The following PRMT3 variants were observed in gnomAD, a reference collection of about 807,000 sequenced individuals.
PRMT3 encodes the protein protein arginine methyltransferase 3.
Under a neutral mutation model 71.9 loss-of-function variants are expected in PRMT3, and 62 were observed. The ratio of observed to expected loss-of-function variants is 0.86; its 90% CI spans 0.70 to 1.07. The LOEUF (loss-of-function observed/expected upper bound fraction) is 1.07, where lower values mean the gene tolerates loss of function less well. PRMT3 is among the 50% of genes least tolerant of loss of function. PRMT3 has a pLI of 0.00. For missense variants in PRMT3, 663 were observed against 643.0 expected (o/e 1.03, Z -0.34); for synonymous variants, 213 against 220.4 (o/e 0.97, Z 0.30).
At chr11:20,474,758 G>T (rs770592794) in intron 13 of PRMT3, among the ~76,000 whole-genome samples, 1 of 152,196 alleles carries the variant, frequency 6.6e-6, no homozygotes, top group South Asian at 2.1e-4. Flanking sequence ...TAGACAAAAA[G>T]TTCTCTCAGC....
chr11:20,466,338 T>C (rs1036925), intron 13 of PRMT3, among the ~76,000 whole-genome samples: 124,825 of 152,100 alleles, frequency 0.82, 53,069 homozygotes, highest in Non-Finnish European at 0.95. Flanking sequence ...CTGTTTTAAA[T>C]AGCCTAGCAC....
intron 5 of PRMT3, among the ~76,000 whole-genome samples, chr11:20,395,435 C>T (rs574637783): frequency 6.6e-5 from 10 of 152,064 alleles, no homozygotes; most frequent in Admixed American, 2.6e-4. Context: ...CCTCCGCTTC[C>T]GAGGTTCAAG....
intron 11 of PRMT3, among the ~76,000 whole-genome samples, chr11:20,457,663 T>G (rs953629423): frequency 2.6e-5 from 4 of 152,234 alleles, no homozygotes; most frequent in Non-Finnish European, 4.4e-5. Flanking sequence ...ATAAAAGTTA[T>G]GAAATGAATT....
chr11:20,407,098 T>C (rs1302963090), intron 8 of PRMT3: 2 of 152,206 alleles, frequency 1.3e-5, no homozygotes, highest in African/African-American at 4.8e-5. Flanking sequence ...CCATGTATGG[T>C]GTCACCAGTT....
intron 13 of PRMT3, among the ~76,000 whole-genome samples, chr11:20,468,049 G>A (rs75910775): frequency 0.037 from 5,565 of 152,234 alleles, 306 homozygotes; most frequent in African/African-American, 0.12. Context: ...AAAAGGATGA[G>A]TGCCTAATTG....
chr11:20,505,690 A>T (rs1262664996), intron 15 of PRMT3, among the ~76,000 whole-genome samples: 1 of 152,200 alleles, frequency 6.6e-6, no homozygotes, highest in Non-Finnish European at 1.5e-5. Context: ...GCCAAAATAG[A>T]AAAGTCAAAA....
At chr11:20,471,825 A>G (rs943529426) in intron 13 of PRMT3, among the ~76,000 whole-genome samples, 30 of 152,162 alleles carry the variant, frequency 2.0e-4, no homozygotes, top group Admixed American at 1.1e-3. Flanking sequence ...GATTCTTTCT[A>G]TCCCTTAGCA....
At chr11:20,473,546 G>C (rs1473014636) in intron 13 of PRMT3, among the ~76,000 whole-genome samples, 2 of 152,112 alleles carry the variant, frequency 1.3e-5, no homozygotes, top group Non-Finnish European at 2.9e-5. Flanking sequence ...GGTTTTGAGT[G>C]AATTTGATTG....
At chr11:20,485,078 T>G (rs1214326546) in intron 13 of PRMT3, among the ~76,000 whole-genome samples, 1 of 152,158 alleles carries the variant, frequency 6.6e-6, no homozygotes, top group African/African-American at 2.4e-5. Flanking sequence ...GCATTGGGAC[T>G]GTAAAGACTG....
At position 20,387,802 on chromosome 11, in the gene PRMT3, G is replaced by A; in HGVS notation, c.28+28G>A. 1 of 1,541,266 alleles carries A rather than the reference G, an allele frequency of 6.5e-7. No homozygotes were observed. The highest frequency in any genetic ancestry group is 8.7e-7 in the Non-Finnish European group (1 of 1,146,236). ...GGGTACCCTGGCCCCTCAGCACCCG[G>A]CTCGTCCAGCCCCAGGCCGCGCCGC... On this transcript the variant is annotated intron_variant, in intron 1 of 15. Transcript: ENST00000331079. This position sits in a 1 kb window ranked among gnomAD's most constrained non-coding sequence, Gnocchi z 4.3.
chr11:20,439,460 G>T (rs1408265647), intron 10 of PRMT3, among the ~76,000 whole-genome samples: 3 of 152,064 alleles, frequency 2.0e-5, no homozygotes, highest in African/African-American at 7.2e-5. Context: ...GCTCTCCCTG[G>T]GTTATTTTCA....
intron 9 of PRMT3, among the ~76,000 whole-genome samples, chr11:20,411,440 C>G (rs2133328544): frequency 6.6e-6 from 1 of 152,198 alleles, no homozygotes; most frequent in South Asian, 2.1e-4. Flanking sequence ...TTTATTCTCT[C>G]AATCTTGTAA....
intron 13 of PRMT3, among the ~76,000 whole-genome samples, chr11:20,491,003 C>T (rs1162728378): frequency 6.6e-6 from 1 of 152,124 alleles, no homozygotes; most frequent in Non-Finnish European, 1.5e-5. Context: ...ACCAATGACA[C>T]GTTAGATCTA....
At chr11:20,442,393 T>C (rs1252691603) in intron 10 of PRMT3, among the ~76,000 whole-genome samples, 1 of 152,130 alleles carries the variant, frequency 6.6e-6, no homozygotes, top group Non-Finnish European at 1.5e-5. Context: ...TAGTAATTTT[T>C]ATGTACATTT....
At chr11:20,432,605 A>T (rs1186490903) in intron 10 of PRMT3, among the ~76,000 whole-genome samples, 1 of 152,082 alleles carries the variant, frequency 6.6e-6, no homozygotes, top group Admixed American at 6.6e-5. Context: ...ATCATATAAT[A>T]GTTCTATTTT....
chr11:20,421,533 T>G (rs1849424884), intron 9 of PRMT3, among the ~76,000 whole-genome samples: 1 of 152,196 alleles, frequency 6.6e-6, no homozygotes, highest in African/African-American at 2.4e-5. Context: ...TCAGGTATCT[T>G]TTGTTTTATT....
chr11:20,406,846 T>G (rs1295674273), intron 8 of PRMT3: 1 of 152,188 alleles, frequency 6.6e-6, no homozygotes, highest in Admixed American at 6.5e-5. Context: ...CTATCCTAGT[T>G]GGTGTGAGGT....
intron 11 of PRMT3, among the ~76,000 whole-genome samples, chr11:20,454,233 A>C (rs1850217204): frequency 6.6e-6 from 1 of 152,162 alleles, no homozygotes; most frequent in African/African-American, 2.4e-5. Context: ...TCCTACTAAA[A>C]TGTATTTTTT....
chr11:20,391,651 G>C (rs1379879710), intron 3 of PRMT3, among the ~76,000 whole-genome samples: 1 of 151,886 alleles, frequency 6.6e-6, no homozygotes, highest in African/African-American at 2.4e-5. Context: ...TACTATTAAA[G>C]TTTTCTCATA....
Sources: allele counts gnomAD v4.1 joint callset (sites outside exome capture counted in the v4.1 genomes callset), GRCh38; gene constraint gnomAD v4.1.1; non-coding constraint Gnocchi (gnomAD v3.1); transcripts MANE v1.5; gene names NCBI Gene and HGNC (gene_info 2026-07-23, HGNC 2026-07-21).